The following CDKN2B-AS1 variants were observed in gnomAD, a reference collection of about 807,000 sequenced individuals.
The protein encoded by CDKN2B-AS1 is CDKN2B antisense RNA 1 (non-protein coding).
chr9:22,081,415 T>G (rs1824690029), intron 4 of CDKN2B-AS1, among the ~76,000 whole-genome samples: 1 of 152,154 alleles, frequency 6.6e-6, no homozygotes, highest in African/African-American at 2.4e-5. Flanking sequence ...ATGAGTGAAC[T>G]CTTGTCTGAT....
intron 1 of CDKN2B-AS1, among the ~76,000 whole-genome samples, chr9:22,017,395 C>T (rs1026127807): frequency 1.3e-5 from 2 of 152,172 alleles, no homozygotes; most frequent in African/African-American, 4.8e-5. Context: ...TTTTAGGGCT[C>T]AACCTACCCG....
intron 4 of CDKN2B-AS1, among the ~76,000 whole-genome samples, chr9:22,116,843 C>T (rs1263898126): frequency 1.3e-5 from 2 of 152,108 alleles, no homozygotes; most frequent in South Asian, 2.1e-4. Flanking sequence ...CATAACTGTC[C>T]AGATGTAACC....
rs908758651 is a variant in CDKN2B-AS1 at position 22,005,474 on chromosome 9, C to T, written n.29+10313C>T. The T allele has an allele frequency of 1.5e-5, 4 of 258,106 alleles. No homozygotes were observed. The highest frequency in any genetic ancestry group is 8.8e-5 in the African/African-American group (4 of 45,616). The allele number at this position is 258,106 out of a possible 1,614,324, so 16.0% of individuals were successfully genotyped here. A position where few individuals can be genotyped will look rare whatever the true frequency, so the allele number is the denominator to read the frequency against. ...ACTGAAGCCCACCTCGGCCCTCCTC[C>T]ACTTTGTCCTCAGTCTTCAGGTTTT... On this transcript the variant is annotated intron_variant and non_coding_transcript_variant, in intron 1 of 4. Coordinates refer to ENST00000650946, the Ensembl canonical transcript of CDKN2B-AS1. The surrounding 1 kb of genome is among the most constrained non-coding windows in gnomAD (Gnocchi z 4.9).
chr9:22,077,419 G>A (rs981393947), intron 4 of CDKN2B-AS1, among the ~76,000 whole-genome samples: 1 of 152,138 alleles, frequency 6.6e-6, no homozygotes, highest in African/African-American at 2.4e-5. Flanking sequence ...AACATTTGCA[G>A]TTGAAAAAGT....
chr9:22,056,790 A>T lies in CDKN2B-AS1; in HGVS notation n.438+403A>T, dbSNP rs551777872. ...CTCTAAACCAGTAATTTTACCCATG[A>T]CCCATCTCCTCAACTCCGGATTGTA... On this transcript the variant is annotated intron_variant and non_coding_transcript_variant, in intron 4 of 4. Coordinates refer to ENST00000650946, the Ensembl canonical transcript of CDKN2B-AS1. 4.6e-5 allele frequency among the ~76,000 whole-genome samples: 7 copies of T among 152,166 alleles called. No homozygotes were observed. In the East Asian group the frequency reaches 1.4e-3, roughly 29 times the overall value.
At chr9:22,069,948 C>T (rs780301285) in intron 4 of CDKN2B-AS1, among the ~76,000 whole-genome samples, 2 of 152,034 alleles carry the variant, frequency 1.3e-5, no homozygotes, top group African/African-American at 2.4e-5. Flanking sequence ...CTGCTACCTC[C>T]GCCTCCCAGG....
intron 4 of CDKN2B-AS1, among the ~76,000 whole-genome samples, chr9:22,082,153 C>A (rs549064516): frequency 2.6e-4 from 39 of 152,288 alleles, no homozygotes; most frequent in African/African-American, 9.4e-4. Flanking sequence ...CCTTACAGGC[C>A]AGTCTTACTG....
Position 22,005,176 on chromosome 9 carries a change from TCTCA to T in CDKN2B-AS1, n.29+10019_29+10022del, listed in dbSNP as rs1821106843. 1 of 233,230 alleles carries T rather than the reference TCTCA, an allele frequency of 4.3e-6. No individual in the cohort carries two copies. The highest frequency in any genetic ancestry group is 1.8e-4 in the South Asian group (1 of 5,530). 14.4% of individuals were successfully genotyped at this position (233,230 alleles called of 1,614,324 possible). On this transcript the variant is annotated intron_variant and non_coding_transcript_variant, in intron 1 of 4. Transcript: ENST00000650946. This position sits in a 1 kb window ranked among gnomAD's most constrained non-coding sequence, Gnocchi z 4.9. ...CGTTACAGTTAACCGTTACAATTGCTCTCACTCCACTCCACCACCTCATCCTGTG... is the reference window on the plus strand; with the variant it reads ...CGTTACAGTTAACCGTTACAATTGCTCTCCACTCCACCACCTCATCCTGTG...
chr9:22,121,158 A>G (rs1267504619), intron 4 of CDKN2B-AS1: 1 of 152,148 alleles, frequency 6.6e-6, no homozygotes, highest in Admixed American at 6.5e-5. Flanking sequence ...CTAATGTTTT[A>G]AAGATCAAAA....
At chr9:22,068,171 C>A (rs1270507914) in intron 4 of CDKN2B-AS1, among the ~76,000 whole-genome samples, 1 of 152,148 alleles carries the variant, frequency 6.6e-6, no homozygotes, top group Non-Finnish European at 1.5e-5. Flanking sequence ...ATGAAGAAAT[C>A]TTTCTTTTCA....
chr9:22,025,953 T>C (rs1269547608), intron 1 of CDKN2B-AS1, among the ~76,000 whole-genome samples: 1 of 151,938 alleles, frequency 6.6e-6, no homozygotes, highest in Admixed American at 6.5e-5. Flanking sequence ...GCAAATATGG[T>C]GGGCTGCTCC....
chr9:22,074,351 T>G lies in CDKN2B-AS1; in HGVS notation n.438+17964T>G, dbSNP rs142734132. 8.6e-3 allele frequency among the ~76,000 whole-genome samples: 1,313 copies of G among 152,166 alleles called. 24 individuals are homozygous for G. The highest frequency in any genetic ancestry group is 0.03 in the African/African-American group (1,240 of 41,522). Reference sequence around the variant, plus strand: ...CTAGTCCCTTGACTAGAAGAAAAAGTCAAGCCCAATTTATTTTATCTGCAG... The same window carrying G: ...CTAGTCCCTTGACTAGAAGAAAAAGGCAAGCCCAATTTATTTTATCTGCAG... On this transcript the variant is annotated intron_variant and non_coding_transcript_variant, in intron 4 of 4. Transcript: ENST00000650946.
intron 1 of CDKN2B-AS1, among the ~76,000 whole-genome samples, chr9:22,028,013 A>G (rs1822311704): frequency 6.6e-6 from 1 of 152,156 alleles, no homozygotes; most frequent in Non-Finnish European, 1.5e-5. Flanking sequence ...CAATATCTTC[A>G]TTCAGACTCA....
chr9:21,999,677 GCAAA>G lies in CDKN2B-AS1; in HGVS notation n.29+4521_29+4524del, dbSNP rs1157540173. Among the ~76,000 whole-genome samples the G allele has an allele frequency of 6.6e-6, 1 of 152,136 alleles. No homozygotes were observed. The highest frequency in any genetic ancestry group is 2.4e-5 in the African/African-American group (1 of 41,444). The stretch of plus-strand genomic sequence containing the variant: ...TGTTTCTTTATAGCAGTGTGTATTA[GCAAA>G]CAAAGTGCAAGAAAGAGAAAAATGA... On this transcript the variant is annotated intron_variant and non_coding_transcript_variant, in intron 1 of 4. Transcript: ENST00000650946. The surrounding 1 kb of genome is among the most constrained non-coding windows in gnomAD (Gnocchi z 4.7).
chr9:22,083,821 T>C (rs1824780218), intron 4 of CDKN2B-AS1, among the ~76,000 whole-genome samples: 1 of 152,146 alleles, frequency 6.6e-6, no homozygotes, highest in South Asian at 2.1e-4. Context: ...AGTTGGATAT[T>C]AGAGTCTAAC....
chr9:22,068,462 C>T (rs933922464), intron 4 of CDKN2B-AS1, among the ~76,000 whole-genome samples: 2 of 152,026 alleles, frequency 1.3e-5, no homozygotes, highest in African/African-American at 4.8e-5. Context: ...GGGAGTCAGG[C>T]GGAGAAGAAT....
chr9:22,075,638 G>A (rs1824464788), intron 4 of CDKN2B-AS1, among the ~76,000 whole-genome samples: 1 of 152,120 alleles, frequency 6.6e-6, no homozygotes, highest in Admixed American at 6.5e-5. Context: ...TCCTGACATG[G>A]GCTTTCAAGT....
chr9:22,075,261 A>G (rs956257207), intron 4 of CDKN2B-AS1, among the ~76,000 whole-genome samples: 1 of 152,218 alleles, frequency 6.6e-6, no homozygotes, highest in Non-Finnish European at 1.5e-5. Context: ...AATTCTCTCA[A>G]GAGTCAGGAT....
chr9:22,116,743 C>T (rs1228517529), intron 4 of CDKN2B-AS1, among the ~76,000 whole-genome samples: 1 of 152,120 alleles, frequency 6.6e-6, no homozygotes, highest in African/African-American at 2.4e-5. Context: ...GTGCTGAGGC[C>T]ATAAAAGGTC....
Sources: gnomAD v4.1 joint callset for allele counts (sites outside exome capture counted in the v4.1 genomes callset) on GRCh38, gnomAD v4.1.1 for gene constraint, Gnocchi (gnomAD v3.1) non-coding constraint, MANE v1.5 for transcripts, NCBI Gene and HGNC (gene_info 2026-07-23, HGNC 2026-07-21) for gene names.